PAK2: variants seen among roughly 807,000 people sequenced by gnomAD.
PAK2 encodes the protein p21 (RAC1) activated kinase 2, also known as serine/threonine-protein kinase PAK 2.
PAK2 carries 21 observed loss-of-function variants against 65.9 expected under a neutral mutation model. That is an observed-to-expected ratio of 0.32 (90% CI 0.23 to 0.46). The LOEUF (loss-of-function observed/expected upper bound fraction) is 0.46. Among genes scored for constraint, PAK2 ranks in the 20% least tolerant of loss-of-function variants. PAK2 has a pLI of 1.00. For synonymous variants in PAK2, 204 were observed against 219.7 expected, an observed-to-expected ratio of 0.93 and a Z score of 0.63; for missense variants, 324 against 642.6, an observed-to-expected ratio of 0.50 and a Z score of 5.36.
intron 1 of PAK2, among the ~76,000 whole-genome samples, chr3:196,745,449 T>C (rs1577691840): frequency 6.6e-6 from 1 of 152,028 alleles, no homozygotes; most frequent in East Asian, 1.9e-4. Flanking sequence ...TTAATCTTTC[T>C]GGAATTTTTT....
At chr3:196,811,280 T>TTCCC (rs1715799044) in intron 8 of PAK2, among the ~76,000 whole-genome samples, 2 of 46,316 alleles carry the variant, frequency 4.3e-5, no homozygotes, top group African/African-American at 8.7e-5. Flanking sequence ...CTTCCCTCCC[T>TTCCC]TCCCTCCCTT....
chr3:196,824,027 C>T (rs776164969), intron 13 of PAK2, among the ~76,000 whole-genome samples: 6 of 151,906 alleles, frequency 3.9e-5, no homozygotes, highest in South Asian at 4.2e-4. Context: ...GCAGGTTCTT[C>T]GGAACTCATT....
At chr3:196,759,498 G>GTTTTTTTTGTTTTTT (rs1713882381) in intron 1 of PAK2, among the ~76,000 whole-genome samples, 2 of 108,162 alleles carry the variant, frequency 1.8e-5, no homozygotes, top group African/African-American at 3.6e-5. Context: ...GGTTTTTTTT[G>GTTTTTTTTGTTTTTT]TTTTTTTTTT....
chr3:196,821,670 G>A (rs948092044), intron 13 of PAK2, among the ~76,000 whole-genome samples: 4 of 152,126 alleles, frequency 2.6e-5, no homozygotes, highest in Non-Finnish European at 2.9e-5. Flanking sequence ...TCGACAAAGC[G>A]AAACTCCGTC....
rs1456594602 is a variant in PAK2, at chr3:196,830,894, T to A, written c.*2489T>A. On this transcript the variant is annotated 3_prime_UTR_variant, in exon 15 of 15. Coordinates refer to ENST00000327134, the MANE Select transcript of PAK2 (RefSeq NM_002577.4). ...GAATCAAGATTCATGTTTTTTATTT[T>A]TATTTTTTTTGATACAGAGTCTCAC... The A allele has an allele frequency of 6.6e-6, 1 of 151,814 alleles. No individual in the cohort carries two copies. Among genetic ancestry groups the A allele is most frequent in the African/African-American group, 2.4e-5 (1 of 41,086 alleles). 9.4% of individuals were successfully genotyped at this position (151,814 alleles called of 1,614,324 possible). A position where few individuals can be genotyped will look rare whatever the true frequency, so the allele number is the denominator to read the frequency against.
chr3:196,779,368 A>G (rs1714635062), intron 1 of PAK2, among the ~76,000 whole-genome samples: 1 of 152,096 alleles, frequency 6.6e-6, no homozygotes, highest in South Asian at 2.1e-4. Context: ...TTGCCTTCTG[A>G]CACTACAGCG....
At chr3:196,763,964 A>T (rs113500760) in intron 1 of PAK2, among the ~76,000 whole-genome samples, 4 of 140,622 alleles carry the variant, frequency 2.8e-5, no homozygotes, top group Admixed American at 7.1e-5. Context: ...ACGCCCGGCT[A>T]TTTTTTTTTT....
At chr3:196,825,748 G>C (rs1424678127) in intron 13 of PAK2, among the ~76,000 whole-genome samples, 1 of 152,120 alleles carries the variant, frequency 6.6e-6, no homozygotes, top group Non-Finnish European at 1.5e-5. Context: ...GATTAAATTA[G>C]GAAACATTCA....
chr3:196,763,314 C>T (rs535351249), intron 1 of PAK2, among the ~76,000 whole-genome samples: 1 of 152,226 alleles, frequency 6.6e-6, no homozygotes, highest in African/African-American at 2.4e-5. Context: ...TGCTGCTGGC[C>T]ACCTTCCCCT....
At chr3:196,748,552 A>G (rs746613336) in intron 1 of PAK2, among the ~76,000 whole-genome samples, 33 of 152,222 alleles carry the variant, frequency 2.2e-4, no homozygotes, top group Non-Finnish European at 3.7e-4. Context: ...TGCCTTTTCC[A>G]GAATGTCCCG....
chr3:196,749,467 T>C (rs1490982225), intron 1 of PAK2, among the ~76,000 whole-genome samples: 2 of 152,188 alleles, frequency 1.3e-5, no homozygotes, highest in Non-Finnish European at 2.9e-5. Context: ...ATGTTAGTTT[T>C]GATTTGCATT....
chr3:196,815,808 T>TA (rs948677600), intron 11 of PAK2, among the ~76,000 whole-genome samples: 10 of 150,746 alleles, frequency 6.6e-5, no homozygotes, highest in African/African-American at 2.4e-4. Context: ...GAGAAAGAAA[T>TA]ACGCCACTCA....
intron 1 of PAK2, among the ~76,000 whole-genome samples, chr3:196,742,962 CTT>C (rs752992099): frequency 6.6e-6 from 1 of 152,164 alleles, no homozygotes; most frequent in African/African-American, 2.4e-5. Context: ...AACTTCAAGA[CTT>C]TAAGTCGTAA....
chr3:196,751,667 T>TTATATATATATATATATA (rs1713593282), intron 1 of PAK2, among the ~76,000 whole-genome samples: 1 of 45,092 alleles, frequency 2.2e-5, no homozygotes, highest in African/African-American at 9.9e-5. Context: ...ACAAATTTAT[T>TTATATATATATATATATA]TATATACATA....
Position 196,744,250 on chromosome 3 carries a change from A to G in PAK2, c.-22+4093A>G, listed in dbSNP as rs146766309. Among the ~76,000 whole-genome samples the G allele has an allele frequency of 3.8e-3, 573 of 152,262 alleles. 9 individuals carry two copies. Among genetic ancestry groups the G allele is most frequent in the East Asian group, 0.031 (162 of 5,186 alleles). On this transcript the variant is annotated intron_variant, in intron 1 of 14. Transcript: ENST00000327134. ...AAGTAGAAAAAAATATTAAATAAGA[A>G]ATTTGGAAAGTGGTAAAAACTTTTA... is the stretch of plus-strand genomic sequence containing the variant.
At chr3:196,802,840 T>G (rs1008482845) in intron 3 of PAK2, among the ~76,000 whole-genome samples, 177 bp from the exon 4 acceptor site, 1 of 152,142 alleles carries the variant, frequency 6.6e-6, no homozygotes, top group Middle Eastern at 3.4e-3. Flanking sequence ...AGTGAGACTC[T>G]GTCTCAAAAA....
At chr3:196,765,093 C>T (rs1714116834) in intron 1 of PAK2, among the ~76,000 whole-genome samples, 1 of 150,770 alleles carries the variant, frequency 6.6e-6, no homozygotes, top group Non-Finnish European at 1.5e-5. Context: ...ATCCACCTGC[C>T]TCGGCCTCCC....
At chr3:196,795,886 C>T (rs1401778630) in intron 2 of PAK2, among the ~76,000 whole-genome samples, 1 of 152,142 alleles carries the variant, frequency 6.6e-6, no homozygotes, top group African/African-American at 2.4e-5. Context: ...TTTTTGGCAC[C>T]CGGGATTGGT....
At position 196,761,822 on chromosome 3, in the gene PAK2, C is replaced by T. The variant is rs1161882950; in HGVS notation, c.-21-20804C>T. Among the ~76,000 whole-genome samples the T allele has an allele frequency of 1.4e-4, 16 of 110,910 alleles. 2 individuals are homozygous for T. The highest frequency in any genetic ancestry group is 1.0e-3 in the Admixed American group (11 of 10,826). 72.8% of individuals were successfully genotyped at this position (110,910 alleles called of 152,430 possible). ...CTCCCTCCCGGATGGGGCGGCTGGC[C>T]GGGCGGGGGGCTGACCCCCCCCCAC... On this transcript the variant is annotated intron_variant, in intron 1 of 14. Transcript: ENST00000327134.
Sources: gnomAD v4.1 joint callset for allele counts (sites outside exome capture counted in the v4.1 genomes callset) on GRCh38, gnomAD v4.1.1 for gene constraint, MANE v1.5 for transcripts, NCBI Gene and HGNC (gene_info 2026-07-23, HGNC 2026-07-21) for gene names.